Variants in PTK2 observed in about 807,000 individuals in gnomAD.
PTK2 encodes focal adhesion kinase 1.
A neutral mutation model predicts 150.1 loss-of-function variants in PTK2; 45 were observed. That is an observed-to-expected ratio of 0.30 (90% CI 0.24 to 0.38). The LOEUF (loss-of-function observed/expected upper bound fraction) is 0.38. PTK2 is among the 10% of genes least tolerant of loss of function. The pLI is 1.00. For synonymous variants in PTK2, 432 were observed against 449.2 expected, an observed-to-expected ratio of 0.96 and a Z score of 0.48; for missense variants, 919 against 1,307.3, an observed-to-expected ratio of 0.70 and a Z score of 4.58.
chr8:140,824,626 C>T (rs768023546), intron 8 of PTK2, among the ~76,000 whole-genome samples: 1 of 152,198 alleles, frequency 6.6e-6, no homozygotes, highest in Non-Finnish European at 1.5e-5. Flanking sequence ...TCTCTGCTGT[C>T]TGAAACTCCA....
chr8:140,682,114 A>C (rs1280325394), intron 27 of PTK2, among the ~76,000 whole-genome samples: 1 of 152,216 alleles, frequency 6.6e-6, no homozygotes, highest in Non-Finnish European at 1.5e-5. Context: ...AGACTTTTAC[A>C]ACCATGTAGT....
chr8:140,816,667 G>C (rs182618713), intron 10 of PTK2, among the ~76,000 whole-genome samples: 1 of 152,350 alleles, frequency 6.6e-6, no homozygotes, highest in East Asian at 1.9e-4. Context: ...ATTCACAGAG[G>C]TGAGAAGAAA....
chr8:140,824,977 C>T (rs1480166467), intron 8 of PTK2, among the ~76,000 whole-genome samples: 1 of 152,156 alleles, frequency 6.6e-6, no homozygotes, highest in East Asian at 1.9e-4. Flanking sequence ...CCATGTTGAG[C>T]TACAAAAATA....
chr8:140,833,185 A>C (rs1416130802), intron 7 of PTK2: 2 of 395,554 alleles, frequency 5.1e-6, no homozygotes, highest in Non-Finnish European at 9.7e-6. Flanking sequence ...TAAAAAAAAA[A>C]GAAACCTGAA....
At chr8:140,994,900 C>A (rs1000738343) in intron 1 of PTK2, among the ~76,000 whole-genome samples, 53 of 152,212 alleles carry the variant, frequency 3.5e-4, no homozygotes, top group African/African-American at 1.3e-3. Flanking sequence ...ACCTGACCAA[C>A]ATGGAGAAAC....
chr8:140,838,069 A>T (rs930397067), intron 7 of PTK2, among the ~76,000 whole-genome samples: 7 of 152,168 alleles, frequency 4.6e-5, no homozygotes, highest in Admixed American at 1.3e-4. Flanking sequence ...CTCAAAAAAA[A>T]AAGTACAGTA....
intron 31 of PTK2, among the ~76,000 whole-genome samples, chr8:140,663,626 A>C (rs1333535262): frequency 3.3e-5 from 5 of 152,230 alleles, no homozygotes; most frequent in Admixed American, 3.3e-4. Flanking sequence ...AAAGGTAGCA[A>C]AAATGATAGT....
intron 16 of PTK2, among the ~76,000 whole-genome samples, chr8:140,756,480 C>T (rs2100065814): frequency 6.6e-6 from 1 of 151,692 alleles, no homozygotes; most frequent in Admixed American, 6.6e-5. Flanking sequence ...GGCGGATCAC[C>T]TGAAGTCAGG....
chr8:140,870,097 A>G (rs1359920887), intron 4 of PTK2, among the ~76,000 whole-genome samples: 1 of 152,198 alleles, frequency 6.6e-6, no homozygotes, highest in African/African-American at 2.4e-5. Context: ...TTCTTTTCAA[A>G]AGGAATGAAA....
At chr8:140,814,807 C>A (rs4531098) in intron 10 of PTK2, among the ~76,000 whole-genome samples, 83,153 of 149,574 alleles carry the variant, frequency 0.56, 24,085 homozygotes, top group African/African-American at 0.71. Context: ...CGGAGTCTCG[C>A]TCTGTTGCCC....
chr8:140,989,212 T>TAAAA (rs71310816), intron 1 of PTK2, among the ~76,000 whole-genome samples: 1,349 of 60,554 alleles, frequency 0.022, 40 homozygotes, highest in Non-Finnish European at 0.026. Flanking sequence ...ACCCTGTCTC[T>TAAAA]AAAAAAAAAA....
Position 140,943,233 on chromosome 8 carries a change from C to T in PTK2, c.-121-17484G>A, listed in dbSNP as rs184623814. Among the ~76,000 whole-genome samples, 104 of 152,322 alleles carry T rather than the reference C, an allele frequency of 6.8e-4. 1 individual carries two copies. The highest frequency in any genetic ancestry group is 6.4e-3 in the Admixed American group (98 of 15,294). On this transcript the variant is annotated intron_variant, in intron 1 of 31. Transcript: ENST00000522684. ...TTTCCATCACCCCAAGAAGTGCCCCCATGCTCTTTTATACTCAATTCTCTC... is the reference window on the plus strand; with the variant it reads ...TTTCCATCACCCCAAGAAGTGCCCCTATGCTCTTTTATACTCAATTCTCTC...
intron 1 of PTK2, among the ~76,000 whole-genome samples, chr8:140,982,441 A>G (rs2154609968): frequency 6.6e-6 from 1 of 152,306 alleles, no homozygotes; most frequent in Middle Eastern, 3.4e-3. Flanking sequence ...TACTAAAAAT[A>G]CAGAAATTAG....
chr8:140,884,856 A>G (rs2100151706), intron 3 of PTK2, among the ~76,000 whole-genome samples: 1 of 152,212 alleles, frequency 6.6e-6, no homozygotes. Flanking sequence ...CAACACACCT[A>G]TATTTTAACA....
chr8:140,811,478 G>A (rs2100101525), intron 10 of PTK2, among the ~76,000 whole-genome samples: 1 of 152,318 alleles, frequency 6.6e-6, no homozygotes, highest in Middle Eastern at 3.4e-3. Flanking sequence ...ACCACTGCAA[G>A]AAATCTAACA....
chr8:140,710,231 G>A (rs1477568200), intron 23 of PTK2, among the ~76,000 whole-genome samples: 1 of 151,156 alleles, frequency 6.6e-6, no homozygotes, highest in Non-Finnish European at 1.5e-5. Context: ...TCAGGAGGCA[G>A]AGGCTGGAGA....
At chr8:140,971,884 G>C (rs1477270104) in intron 1 of PTK2, among the ~76,000 whole-genome samples, 1 of 152,158 alleles carries the variant, frequency 6.6e-6, no homozygotes, top group East Asian at 1.9e-4. Flanking sequence ...CTGTGCAATT[G>C]AGGTGCTTCC....
intron 8 of PTK2, among the ~76,000 whole-genome samples, chr8:140,829,569 A>G (rs2100114058): frequency 6.6e-6 from 1 of 152,194 alleles, no homozygotes; most frequent in African/African-American, 2.4e-5. Flanking sequence ...AAGATGAAAT[A>G]ACTTATCCAA....
chr8:140,916,989 T>C (rs1212288851), intron 2 of PTK2, among the ~76,000 whole-genome samples: 2 of 152,234 alleles, frequency 1.3e-5, no homozygotes, highest in Non-Finnish European at 2.9e-5. Context: ...GCATGTTTAA[T>C]GCACAGAACA....
Sources: gnomAD v4.1 joint callset for allele counts (sites outside exome capture counted in the v4.1 genomes callset) on GRCh38, gnomAD v4.1.1 for gene constraint, MANE v1.5 for transcripts, NCBI Gene and HGNC (gene_info 2026-07-23, HGNC 2026-07-21) for gene names.